Variants in AKR7A3 observed in about 807,000 individuals in gnomAD.
The protein encoded by AKR7A3 is aldo-keto reductase family 7 member A3.
In AKR7A3, 37 loss-of-function variants were observed where a neutral mutation model predicts 32.5. That is an observed-to-expected ratio of 1.14 (90% CI 0.88 to 1.50). The LOEUF is 1.50. AKR7A3 is among the 40% of genes most tolerant of loss of function. AKR7A3 has a pLI of 0.00. For synonymous variants in AKR7A3, 177 were observed against 188.4 expected (o/e 0.94, Z 0.50); for missense variants, 412 against 453.2 (o/e 0.91, Z 0.83).
intron 4 of AKR7A3, 98 bp downstream of exon 4, chr1:19,284,920 G>T: frequency 1.9e-6 from 3 of 1,585,010 alleles, no homozygotes; most frequent in Non-Finnish European, 8.7e-7. Flanking sequence ...TGACCTCAGA[G>T]GTCAAAGTTT....
chr1:19,288,416 C>A, intron 1 of AKR7A3, 80 bp downstream of exon 1: 1 of 1,506,908 alleles, frequency 6.6e-7, no homozygotes, highest in South Asian at 1.2e-5. Flanking sequence ...GCCCCGGGGC[C>A]AGGGAGAGCG....
intron 1 of AKR7A3, among the ~76,000 whole-genome samples, chr1:19,287,309 A>AG (rs924169458): frequency 1.3e-5 from 2 of 150,590 alleles, no homozygotes; most frequent in African/African-American, 4.9e-5. Flanking sequence ...CCTGTCTCAA[A>AG]AAAAAAAAAA....
At chr1:19,275,529 C>T in the AKR7A3 span, among the ~76,000 whole-genome samples, 1 of 151,452 alleles carries the variant, frequency 6.6e-6, no homozygotes, top group Non-Finnish European at 1.5e-5. Context: ...AATACTGGCC[C>T]GTATAGTGGT....
Position 19,288,594 on chromosome 1 carries a change from C to A in AKR7A3, c.116G>T (p.Gly39Val). ...AAVTRAFLER[G>V]HTEIDTAFVY... ...GAAGGCCGTGTCTATCTCGGTGTGGCCGCGCTCCAGGAAGGCGCGCGTGAC... is the reference window on the plus strand; with the variant it reads ...GAAGGCCGTGTCTATCTCGGTGTGGACGCGCTCCAGGAAGGCGCGCGTGAC... The change falls in exon 1 of 7, where the codon GGC becomes GTC. Residue 39 changes from glycine to valine, a missense_variant. By Grantham distance (109) the Gly-to-Val change is moderately radical. Coordinates refer to ENST00000361640, the MANE Select transcript of AKR7A3 (RefSeq NM_012067.3). 2 of 1,600,616 alleles carry A rather than the reference C, an allele frequency of 1.2e-6. No homozygotes were observed. The highest frequency in any genetic ancestry group is 2.3e-5 in the East Asian group (1 of 44,100).
the AKR7A3 span, among the ~76,000 whole-genome samples, chr1:19,274,906 A>AAAAAAAAAAAAAAAAAAAAAAAG: frequency 6.8e-6 from 1 of 147,568 alleles, no homozygotes; most frequent in Non-Finnish European, 1.5e-5. Context: ...ATACAAAAAA[A>AAAAAAAAAAAAAAAAAAAAAAAG]AAAAAAAAAG....
Position 19,284,708 on chromosome 1 carries a change from AG to A in AKR7A3, c.681del (p.Trp228GlyfsTer36), listed in dbSNP as rs1358825802. 2 of 1,613,816 alleles carry A rather than the reference AG, an allele frequency of 1.2e-6. No individual in the cohort carries two copies. Among genetic ancestry groups the A allele is most frequent in the Admixed American group, 3.3e-5 (2 of 60,012 alleles). Reference sequence around the variant, plus strand: ...TACCGATTCCTGTACATCTCTGCCCAGGTATTCCCAAAGAAGCGGCCCACGG... The same window carrying A: ...TACCGATTCCTGTACATCTCTGCCCAGTATTCCCAAAGAAGCGGCCCACGG... ...KQPVGRFFGN[T>X]WAEMYRNRYW... is the part of the protein sequence containing the mutation. On this transcript the variant is annotated frameshift_variant, in exon 5 of 7. Coordinates refer to ENST00000361640, the MANE Select transcript of AKR7A3 (RefSeq NM_012067.3). LOFTEE classifies it high-confidence loss of function.
chr1:19,277,849 G>C (rs1332104746), downstream of AKR7A3, among the ~76,000 whole-genome samples: 1 of 151,874 alleles, frequency 6.6e-6, no homozygotes, highest in African/African-American at 2.4e-5. Context: ...AGTTGTAAGA[G>C]TCCTGTATCT....
chr1:19,284,773 G>T lies in AKR7A3; in HGVS notation c.617C>A (p.Thr206Asn). ...AFNPLAGGLL[T>N]GKYKYEDKNG... ...CTTGTCCTCATACTTGTACTTGCCG[G>T]TCAGCAGGCCCCCTGAGGGAAAGCA... The change falls in exon 5 of 7, where the codon ACC (threonine) becomes AAC (asparagine). Residue 206 changes from threonine (T) to asparagine (N), a missense_variant. Transcript: ENST00000361640. 1 of 1,613,880 alleles carries T rather than the reference G, an allele frequency of 6.2e-7. No individual in the cohort carries two copies. The highest frequency in any genetic ancestry group is 8.5e-7 in the Non-Finnish European group (1 of 1,179,994).
rs770657427 is a variant in AKR7A3, at chr1:19,284,652, C to A, written c.704+34G>T. The stretch of plus-strand genomic sequence containing the variant: ...TTCATTCCACATAAAGCTGACCCCA[C>A]CCCAGCCATCCACACCAAGCACCCA... On this transcript the variant is annotated intron_variant, in intron 5 of 6. Transcript: ENST00000361640. 11 of 1,608,658 alleles carry A rather than the reference C, an allele frequency of 6.8e-6. No individual in the cohort carries two copies. In the Middle Eastern group the frequency reaches 9.9e-4, roughly 145 times the overall value.
At position 19,288,583 on chromosome 1, in the gene AKR7A3, T is replaced by A; in HGVS notation, c.127A>T (p.Ile43Leu). Reference protein sequence around the residue: ...RAFLERGHTEIDTAFVYSEGQ... With the variant: ...RAFLERGHTELDTAFVYSEGQ... ...TCGCTGTACACGAAGGCCGTGTCTA[T>A]CTCGGTGTGGCCGCGCTCCAGGAAG... Residue 43 changes from isoleucine (I) to leucine (L), a missense_variant, in exon 1 of 7, where the codon ATA (isoleucine) becomes TTA (leucine). By Grantham distance (5) the Ile-to-Leu change is conservative (BLOSUM62 2). Transcript: ENST00000361640. 1 of 1,607,396 alleles carries A rather than the reference T, an allele frequency of 6.2e-7. No individual in the cohort carries two copies. Among genetic ancestry groups the A allele is most frequent in the South Asian group, 1.1e-5 (1 of 90,250 alleles).
Position 19,283,910 on chromosome 1 carries a change from G to C in AKR7A3, c.834+86C>G, listed in dbSNP as rs978838403. On this transcript the variant is annotated intron_variant, in intron 6 of 6. Coordinates refer to ENST00000361640, the MANE Select transcript of AKR7A3 (RefSeq NM_012067.3). ...AAGAAAGAGAAATTTCAGAGGAATC[G>C]ATAAACAAATGTTTCAGCCTTCATC... 10 of 1,583,510 alleles carry C rather than the reference G, an allele frequency of 6.3e-6. No homozygotes were observed. The African/African-American group carries it at 1.4e-4, about 22-fold the overall frequency.
At chr1:19,284,873 G>A (rs2093726420) in intron 4 of AKR7A3, 88 bp from the exon 5 acceptor site, 1 of 1,569,602 alleles carries the variant, frequency 6.4e-7, no homozygotes, top group African/African-American at 1.4e-5. Context: ...GGAGGGGCAG[G>A]GACCCAGGAG....
At chr1:19,274,897 T>TAGAAAAAAAAAAAA in the AKR7A3 span, among the ~76,000 whole-genome samples, 1 of 6,156 alleles carries the variant, frequency 1.6e-4, no homozygotes, top group African/African-American at 5.8e-4. Flanking sequence ...TGTCTCTAAA[T>TAGAAAAAAAAAAAA]ACAAAAAAAA....
In AKR7A3 at chr1:19,284,682, T is replaced by G. The variant is rs1446166738; in HGVS notation, c.704+4A>C. 6.2e-7 allele frequency: 1 copy of G among 1,613,680 alleles called. No homozygotes were observed. Among genetic ancestry groups the G allele is most frequent in the Non-Finnish European group, 8.5e-7 (1 of 1,179,952 alleles). On this transcript the variant is annotated splice_donor_region_variant and intron_variant, in intron 5 of 6. Transcript: ENST00000361640. ...GCCATCCACACCAAGCACCCACAGC[T>G]TACCGATTCCTGTACATCTCTGCCC...
At chr1:19,276,089 G>A in the AKR7A3 span, among the ~76,000 whole-genome samples, 17 of 151,764 alleles carry the variant, frequency 1.1e-4, no homozygotes, top group Non-Finnish European at 2.1e-4. Context: ...CAGCCCAGGC[G>A]CCGTGGCTCA....
Position 19,285,892 on chromosome 1 carries a change from T to C in AKR7A3, c.503A>G (p.Tyr168Cys), listed in dbSNP as rs764828846. 2 of 1,613,620 alleles carry C rather than the reference T, an allele frequency of 1.2e-6. No homozygotes were observed. ...CTCTGCAGCCCTGGCTCTCACCTGG[T>C]ACACAGTGGGCAGGATCCAGCCGTT... ...KSNGWILPTV[Y>C]QGMYNAITRQ... Residue 168 changes from tyrosine (Y) to cysteine (C), a missense_variant, in exon 3 of 7, where the codon TAC (tyrosine) becomes TGC (cysteine). Coordinates refer to ENST00000361640, the MANE Select transcript of AKR7A3 (RefSeq NM_012067.3).
In AKR7A3 at chr1:19,288,681, G is replaced by A; in HGVS notation, c.29C>T (p.Pro10Leu). 6.6e-7 allele frequency: 1 copy of A among 1,519,460 alleles called. No individual in the cohort carries two copies. The highest frequency in any genetic ancestry group is 8.8e-7 in the Non-Finnish European group (1 of 1,134,844). The allele number at this position is 1,519,460 out of a possible 1,614,324, so 94.1% of individuals were successfully genotyped here. A position where few individuals can be genotyped will look rare whatever the true frequency, so the allele number is the denominator to read the frequency against. MSRQLSRAR[P>L]ATVLGAMEMG... ...CTCCATGGCGCCCAGCACCGTGGCT[G>A]GCCGGGCCCGCGACAGCTGCCGGGA... Residue 10 changes from proline to leucine, a missense_variant, in exon 1 of 7, where the codon CCA becomes CTA. Transcript: ENST00000361640.
chr1:19,288,381 TG>T (rs1267455281), intron 1 of AKR7A3, 114 bp downstream of exon 1: 29 of 1,146,298 alleles, frequency 2.5e-5, no homozygotes, highest in East Asian at 9.1e-5. Context: ...GTGGGGGCGG[TG>T]GGGGGGACAA....
At chr1:19,274,909 A>AAAAAAAAAAAAAAAAAAAAAAAAAAAC in the AKR7A3 span, among the ~76,000 whole-genome samples, 1 of 148,026 alleles carries the variant, frequency 6.8e-6, no homozygotes, top group Non-Finnish European at 1.5e-5. Context: ...CAAAAAAAAA[A>AAAAAAAAAAAAAAAAAAAAAAAAAAAC]AAAAAAGACC....
Sources: gnomAD v4.1 joint callset for allele counts (sites outside exome capture counted in the v4.1 genomes callset) on GRCh38, gnomAD v4.1.1 for gene constraint, MANE v1.5 for transcripts, NCBI Gene and HGNC (gene_info 2026-07-23, HGNC 2026-07-21) for gene names.